Variants in UQCC1 observed in about 807,000 individuals in gnomAD.
UQCC1 encodes bFGF-repressed Zic-binding protein.
Under a neutral mutation model 48.0 loss-of-function variants are expected in UQCC1, and 38 were observed. That is an observed-to-expected ratio of 0.79 (90% CI 0.61 to 1.04). The LOEUF (loss-of-function observed/expected upper bound fraction) is 1.04, where lower values mean the gene tolerates loss of function less well. UQCC1 is among the 50% of genes least tolerant of loss of function. The probability of loss-of-function intolerance (pLI) is 0.00; values close to 1 mark genes in which losing one functional copy is unlikely to be tolerated. For missense variants in UQCC1, 368 were observed against 381.8 expected, an observed-to-expected ratio of 0.96 and a Z score of 0.30; for synonymous variants, 111 against 129.2, an observed-to-expected ratio of 0.86 and a Z score of 0.95.
intron 7 of UQCC1, among the ~76,000 whole-genome samples, chr20:35,333,975 G>A (rs956892416): frequency 6.6e-6 from 1 of 152,112 alleles, no homozygotes; most frequent in Non-Finnish European, 1.5e-5. Context: ...CTGGGAAGGG[G>A]GCAGTTTAGA....
At chr20:35,316,576 G>C (rs1361024991) in intron 7 of UQCC1, among the ~76,000 whole-genome samples, 3 of 152,176 alleles carry the variant, frequency 2.0e-5, no homozygotes, top group Non-Finnish European at 4.4e-5. Flanking sequence ...CAGAAAACCT[G>C]GGTTCAAGTG....
At chr20:35,353,412 T>A (rs919358629) in intron 6 of UQCC1, among the ~76,000 whole-genome samples, 4 of 150,460 alleles carry the variant, frequency 2.7e-5, no homozygotes, top group South Asian at 2.1e-4. Flanking sequence ...AAAAAAAAAA[T>A]TTAAATTAAA....
rs1044125191 is a variant in UQCC1 at position 35,403,599 on chromosome 20, G to GAC, written c.24+8339_24+8340dup. Among the ~76,000 whole-genome samples the GAC allele has an allele frequency of 1.8e-4, 28 of 152,172 alleles. No homozygotes were observed. In the East Asian group the frequency reaches 5.2e-3, roughly 28 times the overall value. ...GGATTATAAATCATGCTGCTATAAA[G>GAC]ACACACACACACGTATGTTTACTGA... On this transcript the variant is annotated intron_variant, in intron 1 of 9. Transcript: ENST00000374385.
At chr20:35,353,159 T>C (rs897898874) in intron 6 of UQCC1, among the ~76,000 whole-genome samples, 1 of 152,040 alleles carries the variant, frequency 6.6e-6, no homozygotes, top group African/African-American at 2.4e-5. Flanking sequence ...TTCCAGCACT[T>C]TGGGAGGCCG....
In UQCC1 at chr20:35,400,197, A is replaced by T. The variant is rs558989427; in HGVS notation, c.25-6001T>A. ...GGCCTCGGCTTCCCAAAGTGCTGGG[A>T]TTACAGGCATGAGCCACCGTGTCGA... On this transcript the variant is annotated intron_variant, in intron 1 of 9. Coordinates refer to ENST00000374385, the MANE Select transcript of UQCC1 (RefSeq NM_018244.5). Among the ~76,000 whole-genome samples the T allele has an allele frequency of 7.2e-5, 11 of 152,116 alleles. No individual in the cohort carries two copies. In the East Asian group the frequency reaches 2.2e-3, roughly 30 times the overall value.
In UQCC1 at chr20:35,350,569, C is replaced by T. The variant is rs547419985; in HGVS notation, c.465-3297G>A. Reference sequence around the variant, plus strand: ...AAAATTAGCCAGGTGTGGTGGTGTGCGCTTGTAATCCAGCTACTCCAGAGG... The same window carrying T: ...AAAATTAGCCAGGTGTGGTGGTGTGTGCTTGTAATCCAGCTACTCCAGAGG... On this transcript the variant is annotated intron_variant, in intron 6 of 9. Transcript: ENST00000374385. Among the ~76,000 whole-genome samples, 151 of 151,318 alleles carry T rather than the reference C, an allele frequency of 1.0e-3. 2 individuals are homozygous for T. The South Asian group carries it at 0.029, about 29-fold the overall frequency.
chr20:35,392,254 A>T (rs1221063747), intron 2 of UQCC1: 4 of 1,304,386 alleles, frequency 3.1e-6, no homozygotes, highest in Non-Finnish European at 3.0e-6. Context: ...GCCATTCTGA[A>T]GCAGAAGTTT....
chr20:35,402,550 C>T (rs1178157060), intron 1 of UQCC1, among the ~76,000 whole-genome samples: 1 of 151,170 alleles, frequency 6.6e-6, no homozygotes, highest in Non-Finnish European at 1.5e-5. Context: ...TGCACTCTAG[C>T]CTGGGCGACA....
At chr20:35,394,354 G>A (rs1043638460) in intron 1 of UQCC1, among the ~76,000 whole-genome samples, 158 bp from the exon 2 acceptor site, 2 of 152,118 alleles carry the variant, frequency 1.3e-5, no homozygotes, top group African/African-American at 4.8e-5. Context: ...TGGAATTTCT[G>A]AGTGAGGGGG....
Position 35,303,968 on chromosome 20 carries a change from G to C in UQCC1, c.867C>G (p.Pro289=), listed in dbSNP as rs1436598105. 6.2e-6 allele frequency: 10 copies of C among 1,614,066 alleles called. No homozygotes were observed. The highest frequency in any genetic ancestry group is 8.5e-6 in the Non-Finnish European group (10 of 1,180,036). ...VEKNPQSILK[P]HSPTYNDEGL Reference sequence around the variant, plus strand: ...CCTCGTCGTTGTAAGTCGGAGAATGGGGCTTCAGGATGCTCTGAGGATTCT... The same window carrying C: ...CCTCGTCGTTGTAAGTCGGAGAATGCGGCTTCAGGATGCTCTGAGGATTCT... Residue 289 remains proline (P), a synonymous_variant, in exon 10 of 10, where the codon CCC becomes CCG. Transcript: ENST00000374385.
intron 1 of UQCC1, among the ~76,000 whole-genome samples, chr20:35,400,743 C>T (rs984248438): frequency 6.6e-6 from 1 of 152,178 alleles, no homozygotes; most frequent in Non-Finnish European, 1.5e-5. Flanking sequence ...GATCCGCCCG[C>T]CTCGGCCTCC....
chr20:35,370,502 A>T (rs1012531403), intron 5 of UQCC1, among the ~76,000 whole-genome samples: 1 of 152,218 alleles, frequency 6.6e-6, no homozygotes, highest in Non-Finnish European at 1.5e-5. Flanking sequence ...GTTTGGAAGC[A>T]CTTTGGTTTG....
chr20:35,303,453 G>A lies in UQCC1; in HGVS notation c.*482C>T, dbSNP rs764501742. 5.0e-4 allele frequency: 81 copies of A among 163,054 alleles called. 3 individuals carry two copies. Among genetic ancestry groups the A allele is most frequent in the Non-Finnish European group, 1.8e-4 (13 of 73,162 alleles). 10.1% of individuals were successfully genotyped at this position (163,054 alleles called of 1,614,324 possible). A position where few individuals can be genotyped will look rare whatever the true frequency, so the allele number is the denominator to read the frequency against. On this transcript the variant is annotated 3_prime_UTR_variant, in exon 10 of 10. Transcript: ENST00000374385. Reference sequence around the variant, plus strand: ...GTCCCTGGAATAAAGAAGGGCCATGGCAGAGAGAAGTCTCTGTTTCTTTTA... The same window carrying A: ...GTCCCTGGAATAAAGAAGGGCCATGACAGAGAGAAGTCTCTGTTTCTTTTA...
At chr20:35,319,386 A>G (rs1414994485) in intron 7 of UQCC1, among the ~76,000 whole-genome samples, 1 of 152,200 alleles carries the variant, frequency 6.6e-6, no homozygotes, top group African/African-American at 2.4e-5. Flanking sequence ...GTCTCAGCTG[A>G]AATGGGGAGG....
chr20:35,303,680 G>C lies in UQCC1; in HGVS notation c.*255C>G, dbSNP rs1192641915. The C allele has an allele frequency of 5.8e-6, 3 of 519,706 alleles. No homozygotes were observed. The East Asian group carries it at 1.0e-4, about 17-fold the overall frequency. 32.2% of individuals were successfully genotyped at this position (519,706 alleles called of 1,614,324 possible). A position where few individuals can be genotyped will look rare whatever the true frequency, so the allele number is the denominator to read the frequency against. On this transcript the variant is annotated 3_prime_UTR_variant, in exon 10 of 10. Coordinates refer to ENST00000374385, the MANE Select transcript of UQCC1 (RefSeq NM_018244.5). Reference sequence around the variant, plus strand: ...GAGGGGGTTGGGGAGTGTGTGCTGGGGGACTCTCACTCGGGGCTTCCCCTA... The same window carrying C: ...GAGGGGGTTGGGGAGTGTGTGCTGGCGGACTCTCACTCGGGGCTTCCCCTA...
At chr20:35,371,960 A>G (rs1427922129) in intron 5 of UQCC1, among the ~76,000 whole-genome samples, 2 of 152,070 alleles carry the variant, frequency 1.3e-5, no homozygotes, top group Non-Finnish European at 2.9e-5. Flanking sequence ...AGGATGCAGT[A>G]AAAGGGCTAG....
At chr20:35,312,421 T>G (rs2061004635) in intron 8 of UQCC1, among the ~76,000 whole-genome samples, 2 of 152,202 alleles carry the variant, frequency 1.3e-5, no homozygotes, top group African/African-American at 4.8e-5. Flanking sequence ...TTTCTCACTC[T>G]TTGACTACCA....
chr20:35,357,109 G>A (rs189910810), intron 6 of UQCC1, among the ~76,000 whole-genome samples: 2 of 152,368 alleles, frequency 1.3e-5, no homozygotes, highest in East Asian at 3.9e-4. Flanking sequence ...AATAGGCCAG[G>A]TGCAGTGGCT....
chr20:35,383,784 G>C (rs893479454), intron 3 of UQCC1, among the ~76,000 whole-genome samples: 1 of 151,976 alleles, frequency 6.6e-6, no homozygotes, highest in African/African-American at 2.4e-5. Context: ...TTGGGAGTTC[G>C]AGACTACAGT....
Sources: gnomAD v4.1 joint callset for allele counts (sites outside exome capture counted in the v4.1 genomes callset) on GRCh38, gnomAD v4.1.1 for gene constraint, MANE v1.5 for transcripts, NCBI Gene and HGNC (gene_info 2026-07-23, HGNC 2026-07-21) for gene names.